Variants in NCAM2 observed in about 807,000 individuals in gnomAD.
The protein encoded by NCAM2 is N-CAM-2.
A neutral mutation model predicts 98.1 loss-of-function variants in NCAM2; 30 were observed. The observed-to-expected ratio is 0.31, with a 90% CI of 0.23 to 0.41. The LOEUF (loss-of-function observed/expected upper bound fraction) is 0.41, where lower values mean the gene tolerates loss of function less well. Among genes scored for constraint, NCAM2 ranks in the 10% least tolerant of loss-of-function variants. The pLI, the probability that NCAM2 is intolerant of heterozygous loss-of-function variation, is 1.00. For synonymous variants in NCAM2, 368 were observed against 342.4 expected, an observed-to-expected ratio of 1.07 and a Z score of -0.83; for missense variants, 867 against 1,005.8, an observed-to-expected ratio of 0.86 and a Z score of 1.87.
intron 11 of NCAM2, among the ~76,000 whole-genome samples, chr21:21,427,613 A>G (rs1202695986): frequency 6.6e-6 from 1 of 152,168 alleles, no homozygotes; most frequent in Non-Finnish European, 1.5e-5. Flanking sequence ...ATGTTGGACA[A>G]AGATTAAAAA....
chr21:21,285,282 G>T (rs868665681), intron 3 of NCAM2, among the ~76,000 whole-genome samples: 6 of 151,798 alleles, frequency 4.0e-5, no homozygotes, highest in Middle Eastern at 3.4e-3. Context: ...CTGTAGCTTT[G>T]TGTTTTGTTT....
chr21:21,207,360 G>C (rs2069477790), intron 1 of NCAM2, among the ~76,000 whole-genome samples: 1 of 152,080 alleles, frequency 6.6e-6, no homozygotes, highest in South Asian at 2.1e-4. Flanking sequence ...CTGTATATCT[G>C]CACAATTTTC....
chr21:21,388,715 A>C (rs187373618), intron 9 of NCAM2, among the ~76,000 whole-genome samples: 1 of 152,224 alleles, frequency 6.6e-6, no homozygotes, highest in African/African-American at 2.4e-5. Context: ...ACTTTTAAGT[A>C]GTTTTGGAAC....
At chr21:21,453,056 TATAA>T (rs1411179367) in intron 12 of NCAM2, among the ~76,000 whole-genome samples, 4 of 120,128 alleles carry the variant, frequency 3.3e-5, no homozygotes, top group Non-Finnish European at 5.0e-5. Context: ...TATATAAAAA[TATAA>T]ATATATTTAT....
intron 9 of NCAM2, among the ~76,000 whole-genome samples, chr21:21,408,940 A>C (rs375327978): frequency 1.7e-5 from 2 of 119,324 alleles, no homozygotes. Flanking sequence ...ATATTTATAT[A>C]ATTAGTAGAT....
rs544318537 is a variant in NCAM2, at chr21:21,080,963, A to AAG, written c.55+82348_55+82349dup. The stretch of plus-strand genomic sequence containing the variant: ...ATGAAATGAAGTAAATTACACTTAG[A>AAG]AGAGGGCCAAGCAGGCGACTTGAGA... On this transcript the variant is annotated intron_variant, in intron 1 of 17. Transcript: ENST00000400546. Among the ~76,000 whole-genome samples the AAG allele has an allele frequency of 8.5e-5, 13 of 152,220 alleles. No individual in the cohort carries two copies. In the South Asian group the frequency reaches 2.7e-3, roughly 32 times the overall value.
At chr21:21,351,307 G>A (rs901914239) in intron 8 of NCAM2, among the ~76,000 whole-genome samples, 2 of 151,928 alleles carry the variant, frequency 1.3e-5, no homozygotes, top group South Asian at 2.1e-4. Flanking sequence ...TATAATTGAT[G>A]TACAGTAGTA....
At chr21:21,367,700 A>G (rs540990491) in intron 8 of NCAM2, among the ~76,000 whole-genome samples, 60 of 152,128 alleles carry the variant, frequency 3.9e-4, no homozygotes, top group African/African-American at 1.4e-3. Flanking sequence ...TACAGATGCT[A>G]AACTCCAAAT....
At chr21:21,152,877 A>G (rs560648408) in intron 1 of NCAM2, among the ~76,000 whole-genome samples, 1 of 152,082 alleles carries the variant, frequency 6.6e-6, no homozygotes, top group African/African-American at 2.4e-5. Flanking sequence ...CCTGTTCTAT[A>G]ATAATCTGAC....
At chr21:21,126,853 T>C (rs111695697) in intron 1 of NCAM2, among the ~76,000 whole-genome samples, 2,883 of 152,106 alleles carry the variant, frequency 0.019, 76 homozygotes, top group African/African-American at 0.065. Context: ...TGAAAGGTCA[T>C]TGTCATTTTT....
rs191031714 is a variant in NCAM2 at position 21,489,464 on chromosome 21, T to C, written c.2077+11993T>C. Among the ~76,000 whole-genome samples, 22 of 152,210 alleles carry C rather than the reference T, an allele frequency of 1.4e-4. 1 individual carries two copies. The highest frequency in any genetic ancestry group is 1.4e-3 in the Admixed American group (22 of 15,274). ...CTCTCCCTCTTTCTCTCTCTGTCTC[T>C]CTTATGCTTCCTTTCTAAATTTTTG... is the stretch of plus-strand genomic sequence containing the variant. On this transcript the variant is annotated intron_variant, in intron 15 of 17. Transcript: ENST00000400546.
Position 21,077,788 on chromosome 21 carries a change from A to T in NCAM2, c.55+79170A>T, listed in dbSNP as rs555001777. On this transcript the variant is annotated intron_variant, in intron 1 of 17. Coordinates refer to ENST00000400546, the MANE Select transcript of NCAM2 (RefSeq NM_004540.5). ...TTAAAAATAGATTATTTATAGGTAA[A>T]CATTTTATATCACATAAGTATATTC... Among the ~76,000 whole-genome samples the T allele has an allele frequency of 1.6e-3, 240 of 152,216 alleles. 1 individual carries two copies. The highest frequency in any genetic ancestry group is 5.5e-3 in the African/African-American group (229 of 41,556).
intron 1 of NCAM2, among the ~76,000 whole-genome samples, chr21:21,205,016 G>A (rs2069381541): frequency 6.6e-6 from 1 of 151,714 alleles, no homozygotes; most frequent in Admixed American, 6.6e-5. Flanking sequence ...TTTGATGGAA[G>A]TTTCTGCAAA....
At chr21:21,382,469 C>T (rs372272137) in intron 9 of NCAM2, among the ~76,000 whole-genome samples, 2 of 151,074 alleles carry the variant, frequency 1.3e-5, no homozygotes, top group African/African-American at 2.4e-5. Context: ...CCCATCATCT[C>T]GTTTCTGCTG....
At chr21:21,266,049 T>C (rs750754566) in intron 1 of NCAM2, among the ~76,000 whole-genome samples, 6 of 152,156 alleles carry the variant, frequency 3.9e-5, no homozygotes, top group Non-Finnish European at 7.4e-5. Flanking sequence ...GATACGGTAA[T>C]AGTCACCTTT....
chr21:21,346,225 C>G (rs1241141492), intron 8 of NCAM2, among the ~76,000 whole-genome samples: 1 of 96,768 alleles, frequency 1.0e-5, no homozygotes, highest in East Asian at 3.3e-4. Flanking sequence ...AAAAAAAAAA[C>G]AGGAGTCACT....
chr21:21,044,380 G>A (rs1013213836), intron 1 of NCAM2, among the ~76,000 whole-genome samples: 2 of 152,150 alleles, frequency 1.3e-5, no homozygotes, highest in Non-Finnish European at 2.9e-5. Flanking sequence ...ATCTTGAAGA[G>A]CAACAGAAGA....
At position 21,231,077 on chromosome 21, in the gene NCAM2, T is replaced by C. The variant is rs1275872588; in HGVS notation, c.56-49501T>C. Among the ~76,000 whole-genome samples, 10 of 151,228 alleles carry C rather than the reference T, an allele frequency of 6.6e-5. No homozygotes were observed. In the Admixed American group the frequency reaches 6.6e-4, roughly 10 times the overall value. ...AACAAGCAATTTCTGGCAAGATGAG[T>C]GATTGAGAATTAATTATTGCTAAAA... On this transcript the variant is annotated intron_variant, in intron 1 of 17. Transcript: ENST00000400546.
At chr21:21,218,439 A>C (rs79090639) in intron 1 of NCAM2, among the ~76,000 whole-genome samples, 3,655 of 152,272 alleles carry the variant, frequency 0.024, 114 homozygotes, top group East Asian at 0.16. Flanking sequence ...AATGGCCCCA[A>C]AGATGTCCAT....
Sources: allele counts gnomAD v4.1 joint callset (sites outside exome capture counted in the v4.1 genomes callset), GRCh38; gene constraint gnomAD v4.1.1; transcripts MANE v1.5; gene names NCBI Gene and HGNC (gene_info 2026-07-23, HGNC 2026-07-21).